The following FAM110B variants were observed in gnomAD, a reference collection of about 807,000 sequenced individuals.
The protein encoded by FAM110B is family with sequence similarity 110 member B.
In FAM110B, 6 loss-of-function variants were observed where a neutral mutation model predicts 20.4. The ratio of observed to expected loss-of-function variants is 0.29; its 90% confidence interval spans 0.16 to 0.58. The LOEUF (loss-of-function observed/expected upper bound fraction) is 0.58, where lower values mean the gene tolerates loss of function less well. Among genes scored for constraint, FAM110B ranks in the 20% least tolerant of loss-of-function variants. The probability of loss-of-function intolerance (pLI) is 0.90; values close to 1 mark genes in which losing one functional copy is unlikely to be tolerated. For missense variants in FAM110B, 434 were observed against 498.2 expected, an observed-to-expected ratio of 0.87 and a Z score of 1.23; for synonymous variants, 226 against 214.1, an observed-to-expected ratio of 1.06 and a Z score of -0.49.
intron 2 of FAM110B, among the ~76,000 whole-genome samples, chr8:58,073,380 A>G (rs1446491511): frequency 1.1e-4 from 16 of 152,184 alleles, no homozygotes; most frequent in Admixed American, 1.0e-3. Context: ...ATGGTACCCA[A>G]TCCAGAACTT....
chr8:58,122,853 G>A (rs1430138637), intron 3 of FAM110B, among the ~76,000 whole-genome samples: 2 of 152,158 alleles, frequency 1.3e-5, no homozygotes, highest in African/African-American at 2.4e-5. Flanking sequence ...AACTCAGAGC[G>A]GAATCTCAGC....
At position 58,078,997 on chromosome 8, in the gene FAM110B, C is replaced by T. The variant is rs541670137; in HGVS notation, c.-325+3374C>T. Reference sequence around the variant, plus strand: ...CCCCAGACACCTTTTTTTTCCAACTCGGTGTTTCCTAAAGCTGGTCCTCCA... The same window carrying T: ...CCCCAGACACCTTTTTTTTCCAACTTGGTGTTTCCTAAAGCTGGTCCTCCA... On this transcript the variant is annotated intron_variant, in intron 3 of 3. Coordinates refer to ENST00000519262, the MANE Select transcript of FAM110B (RefSeq NM_001377989.1). Among the ~76,000 whole-genome samples the T allele has an allele frequency of 1.3e-3, 202 of 152,116 alleles. 2 individuals carry two copies. The highest frequency in any genetic ancestry group is 4.6e-3 in the African/African-American group (189 of 41,510).
chr8:58,016,803 G>C (rs1804647436), intron 1 of FAM110B, among the ~76,000 whole-genome samples: 2 of 152,208 alleles, frequency 1.3e-5, no homozygotes, highest in Admixed American at 6.5e-5. Flanking sequence ...GGCACAGCCT[G>C]AATGAGGGAG....
At chr8:58,063,948 G>A (rs117489241) in intron 2 of FAM110B, among the ~76,000 whole-genome samples, 1,535 of 152,250 alleles carry the variant, frequency 0.01, 19 homozygotes, top group East Asian at 0.061. Flanking sequence ...ATGGTTCTGC[G>A]GGCTGTACAG....
chr8:58,122,071 T>C (rs1213016855), intron 3 of FAM110B, among the ~76,000 whole-genome samples: 1 of 152,196 alleles, frequency 6.6e-6, no homozygotes, highest in African/African-American at 2.4e-5. Flanking sequence ...TCTACAAGTA[T>C]CTTTATTCTA....
chr8:58,097,434 T>C (rs542932244), intron 3 of FAM110B, among the ~76,000 whole-genome samples: 1 of 152,350 alleles, frequency 6.6e-6, no homozygotes, highest in South Asian at 2.1e-4. Context: ...ATTTTAGTTA[T>C]CAATTCAGCT....
chr8:58,033,264 G>T (rs1357226096), intron 2 of FAM110B, among the ~76,000 whole-genome samples: 1 of 152,130 alleles, frequency 6.6e-6, no homozygotes, highest in Non-Finnish European at 1.5e-5. Context: ...GTATTCCATG[G>T]TGTGTATGTA....
intron 2 of FAM110B, among the ~76,000 whole-genome samples, chr8:58,055,674 T>C (rs973732816): frequency 6.6e-6 from 1 of 152,198 alleles, no homozygotes; most frequent in Non-Finnish European, 1.5e-5. Flanking sequence ...GCACGGGCCT[T>C]GTTGAGAGCC....
chr8:58,143,853 G>A (rs760780943), intron 3 of FAM110B, among the ~76,000 whole-genome samples: 1 of 152,154 alleles, frequency 6.6e-6, no homozygotes, highest in Non-Finnish European at 1.5e-5. Context: ...TGCATGAGGA[G>A]GAATGTTACA....
chr8:58,031,956 T>G (rs1438071848), intron 2 of FAM110B, among the ~76,000 whole-genome samples: 6 of 152,310 alleles, frequency 3.9e-5, no homozygotes, highest in Middle Eastern at 3.4e-3. Context: ...CACACTTTAT[T>G]CCAACTTCCC....
chr8:58,032,086 G>C (rs1021575956), intron 2 of FAM110B: 2 of 152,232 alleles, frequency 1.3e-5, no homozygotes, highest in African/African-American at 4.8e-5. Flanking sequence ...GGCTGATCTC[G>C]GCACCTGCCC....
At chr8:58,078,704 C>G (rs1806103141) in intron 3 of FAM110B, among the ~76,000 whole-genome samples, 1 of 151,942 alleles carries the variant, frequency 6.6e-6, no homozygotes, top group Non-Finnish European at 1.5e-5. Context: ...GCACCCGCCA[C>G]CACGCCCGGC....
intron 3 of FAM110B, among the ~76,000 whole-genome samples, chr8:58,083,309 A>G (rs1476655096): frequency 6.6e-6 from 1 of 152,198 alleles, no homozygotes; most frequent in East Asian, 1.9e-4. Flanking sequence ...ATTTATGTTT[A>G]GTTGTAGTTG....
chr8:58,112,901 C>T (rs1366423536), intron 3 of FAM110B, among the ~76,000 whole-genome samples: 1 of 152,294 alleles, frequency 6.6e-6, no homozygotes, highest in African/African-American at 2.4e-5. Flanking sequence ...GTAGCTTAAA[C>T]TACAGACATT....
chr8:58,005,189 A>G (rs1208831706), intron 1 of FAM110B, among the ~76,000 whole-genome samples: 2 of 152,192 alleles, frequency 1.3e-5, no homozygotes, highest in Non-Finnish European at 2.9e-5. Flanking sequence ...AATTGGCCTC[A>G]TGTCAATATT....
chr8:58,018,523 G>A (rs886620186), intron 1 of FAM110B, among the ~76,000 whole-genome samples: 4 of 151,844 alleles, frequency 2.6e-5, no homozygotes, highest in Non-Finnish European at 5.9e-5. Context: ...CTCTTATAGT[G>A]TACAGTTAGA....
At chr8:58,034,258 G>C (rs534931999) in intron 2 of FAM110B, among the ~76,000 whole-genome samples, 13 of 152,282 alleles carry the variant, frequency 8.5e-5, no homozygotes, top group African/African-American at 2.6e-4. Flanking sequence ...TGTGCTCCGG[G>C]TATCATTGAG....
chr8:58,009,712 G>C (rs1427535346), intron 1 of FAM110B, among the ~76,000 whole-genome samples: 1 of 152,162 alleles, frequency 6.6e-6, no homozygotes, highest in Non-Finnish European at 1.5e-5. Context: ...TCTAGACTCT[G>C]TAATTCATTG....
intron 1 of FAM110B, among the ~76,000 whole-genome samples, chr8:58,008,938 C>T (rs1172864173): frequency 2.0e-5 from 3 of 152,214 alleles, no homozygotes; most frequent in African/African-American, 7.2e-5. Flanking sequence ...TCCTGTCTGG[C>T]TCCTCTCTAT....
Sources: gnomAD v4.1 joint callset for allele counts (sites outside exome capture counted in the v4.1 genomes callset) on GRCh38, gnomAD v4.1.1 for gene constraint, MANE v1.5 for transcripts, NCBI Gene and HGNC (gene_info 2026-07-23, HGNC 2026-07-21) for gene names.